AADAC: variants seen among roughly 807,000 people sequenced by gnomAD.
AADAC encodes arylacetamide deacetylase.
A neutral mutation model predicts 22.7 loss-of-function variants in AADAC; 17 were observed. The observed-to-expected ratio is 0.75, with a 90% CI of 0.51 to 1.12. The LOEUF (loss-of-function observed/expected upper bound fraction) is 1.12, where lower values mean the gene tolerates loss of function less well. AADAC is among the 50% of genes most tolerant of loss of function. The pLI, the probability that AADAC is intolerant of heterozygous loss-of-function variation, is 0.00. For synonymous variants in AADAC, 167 were observed against 176.3 expected, an observed-to-expected ratio of 0.95 and a Z score of 0.42; for missense variants, 465 against 473.9, an observed-to-expected ratio of 0.98 and a Z score of 0.17.
In AADAC at chr3:151,825,276, T is replaced by TAGGAGGCTG. The variant is rs1021971498; in HGVS notation, c.603+455_603+463dup. Among the ~76,000 whole-genome samples the TAGGAGGCTG allele has an allele frequency of 1.8e-4, 27 of 151,670 alleles. 1 individual carries two copies. Among genetic ancestry groups the TAGGAGGCTG allele is most frequent in the Admixed American group, 1.2e-3 (18 of 15,232 alleles). ...GTGTAAGTTTGTAGTCCTAGCTACCTAGGAGGCTGAGGAGGCTGAGGCAGA... is the reference window on the plus strand; with the variant it reads ...GTGTAAGTTTGTAGTCCTAGCTACCTAGGAGGCTGAGGAGGCTGAGGAGGCTGAGGCAGA... On this transcript the variant is annotated intron_variant, in intron 4 of 4. Transcript: ENST00000232892.
chr3:151,817,583 G>C lies in AADAC; in HGVS notation c.356G>C (p.Ser119Thr). Residue 119 changes from serine to threonine, a missense_variant, in exon 2 of 5, where the codon AGT becomes ACT. Ser to Thr is a moderately conservative substitution (Grantham distance 58, BLOSUM62 1). Coordinates refer to ENST00000232892, the MANE Select transcript of AADAC (RefSeq NM_001086.3). The part of the protein sequence containing the change: ...YIHGGGWCVG[S>T]AALSGYDLLS... ...CATGGTGGAGGCTGGTGCGTGGGAA[G>C]TGCTGGTAAGTGAATGCTTTGAAAA... The C allele has an allele frequency of 1.2e-6, 2 of 1,612,620 alleles. No individual in the cohort carries two copies. The highest frequency in any genetic ancestry group is 1.7e-6 in the Non-Finnish European group (2 of 1,178,866).
chr3:151,825,360 T>C (rs1345635502), intron 4 of AADAC, among the ~76,000 whole-genome samples: 2 of 151,900 alleles, frequency 1.3e-5, no homozygotes, highest in Admixed American at 1.3e-4. Context: ...GCCACTGTAC[T>C]CCAGCCTGGG....
rs1716560497 is a variant in AADAC, at chr3:151,827,725, T to G, written c.753T>G (p.Ser251Arg). The G allele has an allele frequency of 1.2e-6, 2 of 1,613,024 alleles. No homozygotes were observed. Among genetic ancestry groups the G allele is most frequent in the Non-Finnish European group, 8.5e-7 (1 of 1,179,468 alleles). Reference protein sequence around the residue: ...LSKSLMVRFWSEYFTTDRSLE... With the variant: ...LSKSLMVRFWREYFTTDRSLE... Reference sequence around the variant, plus strand: ...AATCACTCATGGTCAGATTCTGGAGTGAATATTTTACCACTGATAGATCAC... The same window carrying G: ...AATCACTCATGGTCAGATTCTGGAGGGAATATTTTACCACTGATAGATCAC... Residue 251 changes from serine to arginine, a missense_variant, in exon 5 of 5, where the codon AGT (serine) becomes AGG (arginine). Transcript: ENST00000232892.
At chr3:151,823,998 T>C (rs1363795545) in intron 3 of AADAC, among the ~76,000 whole-genome samples, 1 of 152,068 alleles carries the variant, frequency 6.6e-6, no homozygotes, top group East Asian at 1.9e-4. Flanking sequence ...AGGTACAATG[T>C]TGTACAGCAG....
At position 151,824,738 on chromosome 3, in the gene AADAC, TA is replaced by T. The variant is rs1716403192; in HGVS notation, c.513del (p.Val172PhefsTer7). 1 of 1,609,104 alleles carries T rather than the reference TA, an allele frequency of 6.2e-7. No homozygotes were observed. Among genetic ancestry groups the T allele is most frequent in the Non-Finnish European group, 8.5e-7 (1 of 1,177,392 alleles). On this transcript the variant is annotated frameshift_variant, in exon 4 of 5. Transcript: ENST00000232892. LOFTEE classifies it high-confidence loss of function. The part of the protein sequence containing the change: ...VYNALRWFLR[K>X]KVLAKYGVNP... ...ATAATGCCTTAAGGTGGTTCTTACG[TA>T]AAAAAGTTCTTGCAAAATATGGTGT...
At chr3:151,822,718 C>T (rs1336796101) in intron 3 of AADAC, among the ~76,000 whole-genome samples, 2 of 151,914 alleles carry the variant, frequency 1.3e-5, no homozygotes, top group East Asian at 3.9e-4. Flanking sequence ...TAATGGTTGC[C>T]TATGATTGGG....
rs1328289091 is a variant in AADAC at position 151,825,532 on chromosome 3, A to G, written c.603+698A>G. 2.6e-5 allele frequency among the ~76,000 whole-genome samples: 4 copies of G among 151,988 alleles called. No homozygotes were observed. In the East Asian group the frequency reaches 7.7e-4, roughly 29 times the overall value. On this transcript the variant is annotated intron_variant, in intron 4 of 4. Coordinates refer to ENST00000232892, the MANE Select transcript of AADAC (RefSeq NM_001086.3). ...GAATTCATATAATCTTCGATGGTGTATTCCTTTATTACCATAATAATCATC... is the reference window on the plus strand; with the variant it reads ...GAATTCATATAATCTTCGATGGTGTGTTCCTTTATTACCATAATAATCATC...
At chr3:151,819,005 T>C (rs1716119321) in intron 2 of AADAC, among the ~76,000 whole-genome samples, 2 of 151,944 alleles carry the variant, frequency 1.3e-5, no homozygotes, top group African/African-American at 4.8e-5. Flanking sequence ...CTCTGAACTC[T>C]AGAGAGGAAG....
rs201397155 is a variant in AADAC at position 151,817,506 on chromosome 3, A to G, written c.279A>G (p.Val93=). The G allele has an allele frequency of 6.2e-6, 10 of 1,613,850 alleles. No individual in the cohort carries two copies. The East Asian group carries it at 2.2e-4, about 36-fold the overall frequency. Residue 93 remains valine, a synonymous_variant, in exon 2 of 5, where the codon GTA becomes GTG. Transcript: ENST00000232892. ...AATTCAACAACATTCTTGTTCGGGT[A>G]TATGTGCCAAAGAGAAAGTCTGAAG... ...ETKFNNILVR[V]YVPKRKSEAL...
chr3:151,814,312 A>T lies in AADAC; in HGVS notation c.138+12A>T, dbSNP rs1331633222. The T allele has an allele frequency of 7.5e-6, 12 of 1,607,968 alleles. No homozygotes were observed. Among genetic ancestry groups the T allele is most frequent in the Admixed American group, 6.8e-5 (4 of 58,768 alleles). On this transcript the variant is annotated intron_variant, in intron 1 of 4. Transcript: ENST00000232892. The stretch of plus-strand genomic sequence containing the variant: ...CTATACAAAATTTGGTAAGTTTGGA[A>T]TTTTATGAATTCAGATGTGCATACA...
chr3:151,825,356 G>C (rs1303504403), intron 4 of AADAC, among the ~76,000 whole-genome samples: 1 of 151,864 alleles, frequency 6.6e-6, no homozygotes, highest in Non-Finnish European at 1.5e-5. Context: ...TCGTGCCACT[G>C]TACTCCAGCC....
At position 151,827,848 on chromosome 3, in the gene AADAC, A is replaced by C; in HGVS notation, c.876A>C (p.Ile292=). 1 of 1,613,284 alleles carries C rather than the reference A, an allele frequency of 6.2e-7. No homozygotes were observed. The highest frequency in any genetic ancestry group is 8.5e-7 in the Non-Finnish European group (1 of 1,179,618). The change falls in exon 5 of 5, where the codon ATA becomes ATC. Residue 292 remains isoleucine, a synonymous_variant. Coordinates refer to ENST00000232892, the MANE Select transcript of AADAC (RefSeq NM_001086.3). Reference sequence around the variant, plus strand: ...GTTCCCTGCTCCCTGAGAGGTTTATAAAAGGACATGTTTATAACAATCCAA... The same window carrying C: ...GTTCCCTGCTCCCTGAGAGGTTTATCAAAGGACATGTTTATAACAATCCAA... ...NWSSLLPERF[I]KGHVYNNPNY...
intron 1 of AADAC, 110 bp from the exon 2 acceptor site, chr3:151,817,256 T>G (rs910095873): frequency 5.5e-5 from 49 of 888,200 alleles, no homozygotes; most frequent in Non-Finnish European, 7.4e-5. Context: ...GCATGAAAAT[T>G]TAGTTCATTC....
At chr3:151,819,794 GAA>G (rs3836260) in intron 2 of AADAC, among the ~76,000 whole-genome samples, 90,691 of 151,386 alleles carry the variant, frequency 0.6, 27,641 homozygotes, top group Non-Finnish European at 0.64. Flanking sequence ...TTAGACAAGA[GAA>G]AAAGAGGCAA....
At chr3:151,824,957 G>A in intron 4 of AADAC, 123 bp downstream of exon 4, 1 of 644,592 alleles carries the variant, frequency 1.6e-6, no homozygotes, top group Non-Finnish European at 2.1e-6. Context: ...TTGATTTTTT[G>A]AAACTATTAA....
At chr3:151,824,140 AC>A (rs1442691724) in intron 3 of AADAC, among the ~76,000 whole-genome samples, 1 of 151,880 alleles carries the variant, frequency 6.6e-6, no homozygotes, top group Admixed American at 6.6e-5. Flanking sequence ...TATTTTAGAC[AC>A]CTTATATAAG....
At position 151,814,225 on chromosome 3, in the gene AADAC, G is replaced by A. The variant is rs750988372; in HGVS notation, c.63G>A (p.Thr21=). The stretch of plus-strand genomic sequence containing the variant: ...TCCTCATAGCATATTATATTTATAC[G>A]CCTCTCCCAGATAACGTTGAGGAGC... ...VGILIAYYIY[T]PLPDNVEEPW... Residue 21 remains threonine (T), a synonymous_variant, in exon 1 of 5, where the codon ACG becomes ACA. Coordinates refer to ENST00000232892, the MANE Select transcript of AADAC (RefSeq NM_001086.3). 6.8e-6 allele frequency: 11 copies of A among 1,612,918 alleles called. No individual in the cohort carries two copies. The highest frequency in any genetic ancestry group is 4.4e-5 in the South Asian group (4 of 91,058).
chr3:151,819,713 G>C (rs1716153535), intron 2 of AADAC, among the ~76,000 whole-genome samples: 1 of 151,896 alleles, frequency 6.6e-6, no homozygotes, highest in South Asian at 2.1e-4. Context: ...AGAAGATTTA[G>C]AGCACTAGTA....
rs959054945 is a variant in AADAC at position 151,814,450 on chromosome 3, T to C, written c.138+150T>C. 9.3e-6 allele frequency: 8 copies of C among 857,210 alleles called. No individual in the cohort carries two copies. In the African/African-American group the frequency reaches 1.2e-4, roughly 13 times the overall value. The allele number at this position is 857,210 out of a possible 1,614,324, so 53.1% of individuals were successfully genotyped here. Reference sequence around the variant, plus strand: ...CCTTTGACAATGTGTTACTTAGAAATGTTGTTTGTTTTCTGTCTTATGTAT... The same window carrying C: ...CCTTTGACAATGTGTTACTTAGAAACGTTGTTTGTTTTCTGTCTTATGTAT... On this transcript the variant is annotated intron_variant, in intron 1 of 4. Coordinates refer to ENST00000232892, the MANE Select transcript of AADAC (RefSeq NM_001086.3).
Sources: gnomAD v4.1 joint callset for allele counts (sites outside exome capture counted in the v4.1 genomes callset) on GRCh38, gnomAD v4.1.1 for gene constraint, MANE v1.5 for transcripts, NCBI Gene and HGNC (gene_info 2026-07-23, HGNC 2026-07-21) for gene names.